BMP2K: variants seen among roughly 807,000 people sequenced by gnomAD.
BMP2K encodes the protein BMP2 inducible kinase.
In BMP2K, 74 loss-of-function variants were observed where a neutral mutation model predicts 116.0. The observed-to-expected ratio is 0.64, with a 90% confidence interval of 0.53 to 0.77. The LOEUF (loss-of-function observed/expected upper bound fraction) is 0.77, where lower values mean the gene tolerates loss of function less well. Ranked by LOEUF, BMP2K falls within the 30% of genes least tolerant of loss-of-function variation. The probability of loss-of-function intolerance (pLI) is 0.00; values close to 1 mark genes in which losing one functional copy is unlikely to be tolerated. For synonymous variants in BMP2K, 486 were observed against 502.5 expected, an observed-to-expected ratio of 0.97 and a Z score of 0.44; for missense variants, 1,365 against 1,403.6, an observed-to-expected ratio of 0.97 and a Z score of 0.44.
At chr4:78,786,404 A>AGTGTGT (rs1560498667) in intron 1 of BMP2K, among the ~76,000 whole-genome samples, 13 of 98,660 alleles carry the variant, frequency 1.3e-4, no homozygotes, top group African/African-American at 6.2e-4. Context: ...TAAGCCACCC[A>AGTGTGT]ATGTGTGTGT....
At chr4:78,884,420 A>C (rs1329668274) in intron 14 of BMP2K, among the ~76,000 whole-genome samples, 1 of 152,248 alleles carries the variant, frequency 6.6e-6, no homozygotes, top group Admixed American at 6.5e-5. Flanking sequence ...TAATGAATCA[A>C]GTCTACGGTT....
intron 13 of BMP2K, among the ~76,000 whole-genome samples, chr4:78,874,199 AC>A (rs1432838552): frequency 7.2e-5 from 11 of 152,126 alleles, no homozygotes; most frequent in African/African-American, 2.2e-4. Context: ...ACACACACAC[AC>A]AAAAAGTTCA....
chr4:78,857,966 ATC>A (rs1486201954), intron 7 of BMP2K, among the ~76,000 whole-genome samples: 2 of 151,968 alleles, frequency 1.3e-5, no homozygotes, highest in African/African-American at 4.8e-5. Context: ...TATCCTGTCC[ATC>A]TCAACCCCCA....
chr4:78,857,479 T>C (rs914054400), intron 7 of BMP2K, among the ~76,000 whole-genome samples: 2 of 152,140 alleles, frequency 1.3e-5, no homozygotes, highest in Non-Finnish European at 2.9e-5. Flanking sequence ...TTTTTTTCTC[T>C]CTCAGTGCTT....
At chr4:78,875,922 C>A (rs550620062) in intron 13 of BMP2K, among the ~76,000 whole-genome samples, 1 of 152,148 alleles carries the variant, frequency 6.6e-6, no homozygotes, top group Non-Finnish European at 1.5e-5. Flanking sequence ...CTTTTTAGAC[C>A]TAGTCTCAGC....
At chr4:78,811,513 G>A (rs1037425577) in intron 1 of BMP2K, among the ~76,000 whole-genome samples, 2 of 152,198 alleles carry the variant, frequency 1.3e-5, no homozygotes, top group African/African-American at 2.4e-5. Flanking sequence ...GTAAGACCAT[G>A]CGATTACAAA....
chr4:78,806,152 G>T (rs1578482425), intron 1 of BMP2K, among the ~76,000 whole-genome samples: 1 of 138,206 alleles, frequency 7.2e-6, no homozygotes, highest in East Asian at 2.1e-4. Context: ...GTGTGTGTGT[G>T]TATTCTTATA....
intron 14 of BMP2K, among the ~76,000 whole-genome samples, chr4:78,881,091 C>T (rs1732861946): frequency 6.6e-6 from 1 of 152,134 alleles, no homozygotes; most frequent in Admixed American, 6.6e-5. Flanking sequence ...CACTCAACTG[C>T]TGTTAGTCTC....
chr4:78,839,719 C>T (rs749573011), intron 3 of BMP2K, among the ~76,000 whole-genome samples: 3 of 152,080 alleles, frequency 2.0e-5, no homozygotes, highest in African/African-American at 4.8e-5. Flanking sequence ...GAAGCCAGTC[C>T]GACTGCAAAA....
chr4:78,841,462 A>G (rs1181683619), intron 3 of BMP2K, among the ~76,000 whole-genome samples: 1 of 152,188 alleles, frequency 6.6e-6, no homozygotes, highest in Non-Finnish European at 1.5e-5. Context: ...TTAATGGTAT[A>G]TGTGTGGCAA....
intron 1 of BMP2K, among the ~76,000 whole-genome samples, chr4:78,817,569 G>A (rs977209988): frequency 2.6e-5 from 4 of 152,174 alleles, no homozygotes; most frequent in African/African-American, 9.7e-5. Flanking sequence ...ACACCACTCT[G>A]CCAGTACAGC....
At chr4:78,846,628 G>A (rs1731013108) in intron 5 of BMP2K, among the ~76,000 whole-genome samples, 1 of 151,438 alleles carries the variant, frequency 6.6e-6, no homozygotes, top group Non-Finnish European at 1.5e-5. Context: ...GCTTATTATG[G>A]CAGTCAGTAT....
intron 1 of BMP2K, among the ~76,000 whole-genome samples, chr4:78,801,023 A>T (rs1008294569): frequency 2.6e-5 from 4 of 152,120 alleles, no homozygotes; most frequent in Non-Finnish European, 4.4e-5. Context: ...CTTATTCCAT[A>T]ATGCTCAATG....
rs566049752 is a variant in BMP2K, at chr4:78,912,965, T to C, written c.*932T>C. The C allele has an allele frequency of 6.6e-5, 10 of 152,160 alleles. No individual in the cohort carries two copies. Among genetic ancestry groups the C allele is most frequent in the East Asian group, 1.9e-4 (1 of 5,184 alleles). The allele number at this position is 152,160 out of a possible 1,614,324, so 9.4% of individuals were successfully genotyped here. On this transcript the variant is annotated 3_prime_UTR_variant, in exon 16 of 16. Coordinates refer to ENST00000502613, the MANE Select transcript of BMP2K (RefSeq NM_198892.2). ...CTAATAAAGCAGATTATTGGAAAAATTGGAGGACAAGGGTTGTATAAAAAT... is the reference window on the plus strand; with the variant it reads ...CTAATAAAGCAGATTATTGGAAAAACTGGAGGACAAGGGTTGTATAAAAAT...
At chr4:78,795,835 A>G (rs1417728317) in intron 1 of BMP2K, among the ~76,000 whole-genome samples, 1 of 152,142 alleles carries the variant, frequency 6.6e-6, no homozygotes, top group Non-Finnish European at 1.5e-5. Flanking sequence ...TCAAAACCAC[A>G]ATGAGATACC....
intron 1 of BMP2K, among the ~76,000 whole-genome samples, chr4:78,789,107 T>TGTA (rs1727883317): frequency 3.3e-5 from 5 of 152,104 alleles, no homozygotes; most frequent in Admixed American, 3.3e-4. Context: ...TTATATTAAC[T>TGTA]GTAATTGGTA....
At chr4:78,836,416 CA>C (rs202054706) in intron 3 of BMP2K, among the ~76,000 whole-genome samples, 550 of 132,730 alleles carry the variant, frequency 4.1e-3, no homozygotes, top group African/African-American at 8.9e-3. Flanking sequence ...GACTCTGTCT[CA>C]AAAAAAAAAA....
intron 1 of BMP2K, among the ~76,000 whole-genome samples, chr4:78,784,405 C>T (rs1364274852): frequency 6.6e-6 from 1 of 152,210 alleles, no homozygotes; most frequent in Non-Finnish European, 1.5e-5. Flanking sequence ...CATCTACCCA[C>T]AGCCTGCTAT....
At chr4:78,866,247 T>C (rs1215296106) in intron 10 of BMP2K, among the ~76,000 whole-genome samples, 1 of 152,206 alleles carries the variant, frequency 6.6e-6, no homozygotes, top group Non-Finnish European at 1.5e-5. Flanking sequence ...AAAAAAAATT[T>C]TTCCCCCCAA....
Sources: allele counts gnomAD v4.1 joint callset (sites outside exome capture counted in the v4.1 genomes callset), GRCh38; gene constraint gnomAD v4.1.1; transcripts MANE v1.5; gene names NCBI Gene and HGNC (gene_info 2026-07-23, HGNC 2026-07-21).